The following ARHGAP42 variants were observed in gnomAD, a reference collection of about 807,000 sequenced individuals.
ARHGAP42 encodes Rho GTPase activating protein 42, also known as rho GTPase-activating protein 42.
Under a neutral mutation model 125.0 loss-of-function variants are expected in ARHGAP42, and 63 were observed. The ratio of observed to expected loss-of-function variants is 0.50; its 90% confidence interval spans 0.41 to 0.62. The LOEUF is 0.62. ARHGAP42 is among the 20% of genes least tolerant of loss of function. The pLI, the probability that ARHGAP42 is intolerant of heterozygous loss-of-function variation, is 0.00. For missense variants in ARHGAP42, 766 were observed against 1,024.2 expected (o/e 0.75, Z 3.44); for synonymous variants, 339 against 351.0 (o/e 0.97, Z 0.38).
chr11:100,855,820 G>T (rs1428492416), intron 3 of ARHGAP42, among the ~76,000 whole-genome samples: 1 of 152,036 alleles, frequency 6.6e-6, no homozygotes, highest in Non-Finnish European at 1.5e-5. Context: ...CTGAAAATAA[G>T]TGAAATCACC....
chr11:100,879,397 A>G (rs1031316540), intron 4 of ARHGAP42, among the ~76,000 whole-genome samples: 1 of 152,198 alleles, frequency 6.6e-6, no homozygotes, highest in Non-Finnish European at 1.5e-5. Flanking sequence ...TTCCTTGCAC[A>G]TATGAACTTC....
intron 3 of ARHGAP42, among the ~76,000 whole-genome samples, chr11:100,800,335 G>A (rs1022071863): frequency 6.6e-6 from 1 of 152,172 alleles, no homozygotes; most frequent in African/African-American, 2.4e-5. Flanking sequence ...AAGGTTCACT[G>A]GGAACAGAGG....
chr11:100,748,377 C>CTGA (rs1862356008), intron 1 of ARHGAP42, among the ~76,000 whole-genome samples: 2 of 149,560 alleles, frequency 1.3e-5, no homozygotes, highest in African/African-American at 5.1e-5. Context: ...CCTCAATCAC[C>CTGA]CGACTGTCCT....
chr11:100,928,538 A>G (rs1052617574), intron 6 of ARHGAP42, among the ~76,000 whole-genome samples: 2 of 152,022 alleles, frequency 1.3e-5, no homozygotes, highest in Admixed American at 6.6e-5. Flanking sequence ...GTGAACTCTA[A>G]TCATGCCACT....
intron 2 of ARHGAP42, among the ~76,000 whole-genome samples, chr11:100,771,344 G>A (rs967912615): frequency 6.6e-6 from 1 of 152,104 alleles, no homozygotes; most frequent in African/African-American, 2.4e-5. Flanking sequence ...TTTATTGTTT[G>A]AAGGTCTGAT....
intron 4 of ARHGAP42, among the ~76,000 whole-genome samples, chr11:100,899,601 CTTCT>C (rs1382930634): frequency 2.0e-5 from 3 of 151,468 alleles, no homozygotes; most frequent in Non-Finnish European, 4.4e-5. Context: ...ATGTAATGGA[CTTCT>C]TTGTCTCTTT....
At chr11:100,901,110 C>G (rs951301898) in intron 4 of ARHGAP42, among the ~76,000 whole-genome samples, 1 of 152,070 alleles carries the variant, frequency 6.6e-6, no homozygotes, top group African/African-American at 2.4e-5. Flanking sequence ...TGATGCTATT[C>G]CTTTCTATTT....
At chr11:100,882,761 A>G (rs946277284) in intron 4 of ARHGAP42, among the ~76,000 whole-genome samples, 18 of 151,958 alleles carry the variant, frequency 1.2e-4, no homozygotes, top group Non-Finnish European at 2.6e-4. Context: ...TTACCATTTC[A>G]ATCTTGCTGC....
At chr11:100,852,031 C>T (rs1209275183) in intron 3 of ARHGAP42, among the ~76,000 whole-genome samples, 1 of 152,048 alleles carries the variant, frequency 6.6e-6, no homozygotes, top group African/African-American at 2.4e-5. Flanking sequence ...ACTGCTGGCC[C>T]CAGACCTAAT....
chr11:100,924,883 A>G (rs1867378116), intron 6 of ARHGAP42, among the ~76,000 whole-genome samples: 1 of 152,012 alleles, frequency 6.6e-6, no homozygotes, highest in South Asian at 2.1e-4. Flanking sequence ...GCTGGAGTGC[A>G]GTGGCATAAT....
intron 22 of ARHGAP42, among the ~76,000 whole-genome samples, chr11:100,981,074 A>G (rs966229532): frequency 1.3e-5 from 2 of 152,118 alleles, no homozygotes; most frequent in Non-Finnish European, 2.9e-5. Flanking sequence ...CCCTAGTTCA[A>G]ATTTTTAGGT....
chr11:100,968,440 A>T (rs1858154416), intron 17 of ARHGAP42, among the ~76,000 whole-genome samples: 1 of 152,108 alleles, frequency 6.6e-6, no homozygotes, highest in African/African-American at 2.4e-5. Context: ...ATCTTATCAG[A>T]ATGTACTTAA....
intron 9 of ARHGAP42, among the ~76,000 whole-genome samples, 192 bp from the exon 10 acceptor site, chr11:100,943,567 A>T (rs76948050): frequency 0.1 from 15,175 of 152,168 alleles, 995 homozygotes; most frequent in Non-Finnish European, 0.13. Flanking sequence ...TGCATATGCC[A>T]TTAATTAAAT....
intron 2 of ARHGAP42, among the ~76,000 whole-genome samples, chr11:100,777,907 G>T (rs1355153872): frequency 1.3e-5 from 2 of 152,120 alleles, no homozygotes; most frequent in Non-Finnish European, 2.9e-5. Flanking sequence ...ACTGGGCGGG[G>T]TGTGATAGTT....
At chr11:100,757,384 C>T (rs771806908) in intron 1 of ARHGAP42, among the ~76,000 whole-genome samples, 5 of 152,108 alleles carry the variant, frequency 3.3e-5, no homozygotes, top group Non-Finnish European at 7.4e-5. Context: ...TAATTACCTA[C>T]ACAGCTTCTT....
chr11:100,979,211 T>C (rs1455115895), intron 22 of ARHGAP42, among the ~76,000 whole-genome samples, 162 bp downstream of exon 22: 1 of 152,214 alleles, frequency 6.6e-6, no homozygotes, highest in Admixed American at 6.5e-5. Flanking sequence ...AAACAGCATA[T>C]ATCATCTCAC....
intron 17 of ARHGAP42, among the ~76,000 whole-genome samples, chr11:100,966,975 T>A (rs1858111611): frequency 6.6e-6 from 1 of 152,218 alleles, no homozygotes; most frequent in Non-Finnish European, 1.5e-5. Flanking sequence ...TTATGCTTAT[T>A]TGAGCCATAT....
At chr11:100,716,742 T>C (rs929037441) in intron 1 of ARHGAP42, among the ~76,000 whole-genome samples, 1 of 152,132 alleles carries the variant, frequency 6.6e-6, no homozygotes, top group Admixed American at 6.5e-5. Flanking sequence ...TAATTAAAAA[T>C]ATTTTTTTGT....
intron 4 of ARHGAP42, among the ~76,000 whole-genome samples, chr11:100,876,159 C>T (rs976207633): frequency 6.6e-6 from 1 of 152,102 alleles, no homozygotes; most frequent in Admixed American, 6.6e-5. Context: ...GTTGGAAAAC[C>T]ACAGAATTTA....
Sources: gnomAD v4.1 joint callset for allele counts (sites outside exome capture counted in the v4.1 genomes callset) on GRCh38, gnomAD v4.1.1 for gene constraint, MANE v1.5 for transcripts, NCBI Gene and HGNC (gene_info 2026-07-23, HGNC 2026-07-21) for gene names.